Variants in L3MBTL3 observed in about 807,000 individuals in gnomAD.
L3MBTL3 encodes the protein lethal(3)malignant brain tumor-like protein 3.
A neutral mutation model predicts 102.3 loss-of-function variants in L3MBTL3; 27 were observed. The ratio of observed to expected loss-of-function variants is 0.26; its 90% CI spans 0.19 to 0.36. L3MBTL3 has a LOEUF of 0.36. Ranked by LOEUF, L3MBTL3 falls within the 10% of genes least tolerant of loss-of-function variation. L3MBTL3 has a pLI of 1.00. For synonymous variants in L3MBTL3, 340 were observed against 320.9 expected, an observed-to-expected ratio of 1.06 and a Z score of -0.64; for missense variants, 798 against 955.3, an observed-to-expected ratio of 0.84 and a Z score of 2.17.
chr6:130,068,685 TAA>T (rs1041632812), intron 12 of L3MBTL3, among the ~76,000 whole-genome samples: 12 of 152,190 alleles, frequency 7.9e-5, no homozygotes, highest in African/African-American at 2.7e-4. Flanking sequence ...TTAAGATGCA[TAA>T]AAAATTAAAT....
intron 20 of L3MBTL3, among the ~76,000 whole-genome samples, chr6:130,121,217 GCCT>G (rs745889626): frequency 6.6e-6 from 1 of 152,106 alleles, no homozygotes; most frequent in Non-Finnish European, 1.5e-5. Flanking sequence ...CTGATCCTCT[GCCT>G]CCTCCTGGCC....
At chr6:130,125,002 A>G (rs7776419) in intron 20 of L3MBTL3, among the ~76,000 whole-genome samples, 3 of 152,072 alleles carry the variant, frequency 2.0e-5, no homozygotes, top group African/African-American at 7.2e-5. Context: ...AATACTTAAC[A>G]GCTCATTTGG....
At chr6:130,045,419 C>T (rs1368852897) in intron 3 of L3MBTL3, among the ~76,000 whole-genome samples, 3 of 152,092 alleles carry the variant, frequency 2.0e-5, no homozygotes, top group African/African-American at 2.4e-5. Flanking sequence ...GAATAGAGAA[C>T]GTACTCTCTG....
At chr6:130,111,126 G>A (rs1203220161) in intron 19 of L3MBTL3, among the ~76,000 whole-genome samples, 1 of 152,074 alleles carries the variant, frequency 6.6e-6, no homozygotes, top group Non-Finnish European at 1.5e-5. Context: ...ATTGCAAGTA[G>A]TTTACTTAGT....
intron 10 of L3MBTL3, among the ~76,000 whole-genome samples, chr6:130,064,439 T>A (rs1426282253): frequency 6.6e-6 from 1 of 152,056 alleles, no homozygotes; most frequent in Non-Finnish European, 1.5e-5. Flanking sequence ...ACTAGATTCA[T>A]GGGAGTGAGG....
At chr6:130,057,588 T>G in intron 9 of L3MBTL3, 91 bp downstream of exon 9, 1 of 1,056,338 alleles carries the variant, frequency 9.5e-7, no homozygotes, top group African/African-American at 1.6e-5. Context: ...GAAATTTGAC[T>G]TGGGATCATT....
At position 130,118,883 on chromosome 6, in the gene L3MBTL3, T is replaced by C. The variant is rs1300325455; in HGVS notation, c.1887-1996T>C. On this transcript the variant is annotated intron_variant, in intron 19 of 22. Coordinates refer to ENST00000361794, the MANE Select transcript of L3MBTL3 (RefSeq NM_032438.4). ...TTGGGTCAAAGATTTTACTTTCTTATTCTATCTCTGTTCCCTCTTGGAAAG... is the reference window on the plus strand; with the variant it reads ...TTGGGTCAAAGATTTTACTTTCTTACTCTATCTCTGTTCCCTCTTGGAAAG... 7.9e-5 allele frequency among the ~76,000 whole-genome samples: 12 copies of C among 152,214 alleles called. 2 individuals carry two copies. In the South Asian group the frequency reaches 1.9e-3, roughly 24 times the overall value.
At chr6:130,102,376 G>T (rs962687588) in intron 18 of L3MBTL3, among the ~76,000 whole-genome samples, 3 of 152,118 alleles carry the variant, frequency 2.0e-5, no homozygotes, top group African/African-American at 7.2e-5. Flanking sequence ...TCCAAAAAGA[G>T]AAATAACTTT....
At chr6:130,104,815 A>G (rs1784891835) in intron 19 of L3MBTL3, among the ~76,000 whole-genome samples, 1 of 149,572 alleles carries the variant, frequency 6.7e-6, no homozygotes, top group South Asian at 2.1e-4. Context: ...TTTTTTTTTA[A>G]TTTGCTTGGT....
intron 1 of L3MBTL3, among the ~76,000 whole-genome samples, chr6:130,020,999 G>C (rs2876068): frequency 6.6e-6 from 1 of 152,126 alleles, no homozygotes; most frequent in African/African-American, 2.4e-5. Context: ...GGGGGGCGCG[G>C]CCGGGGCGAG....
chr6:130,048,973 C>A (rs1464662159), intron 3 of L3MBTL3, among the ~76,000 whole-genome samples: 1 of 151,244 alleles, frequency 6.6e-6, no homozygotes, highest in African/African-American at 2.4e-5. Flanking sequence ...CACACACATA[C>A]ACACACAAAG....
intron 13 of L3MBTL3, among the ~76,000 whole-genome samples, chr6:130,072,474 T>A (rs1230934499): frequency 2.6e-5 from 4 of 152,202 alleles, no homozygotes; most frequent in Non-Finnish European, 5.9e-5. Context: ...TTGTTTGTTT[T>A]TCCCAGCTTT....
At chr6:130,030,589 C>T (rs573317645) in intron 2 of L3MBTL3, among the ~76,000 whole-genome samples, 3 of 146,842 alleles carry the variant, frequency 2.0e-5, no homozygotes, top group African/African-American at 7.7e-5. Context: ...ATGGCGTGAA[C>T]CTGGGAGGCG....
chr6:130,042,911 G>A (rs996751926), intron 3 of L3MBTL3, 110 bp downstream of exon 3: 3 of 709,346 alleles, frequency 4.2e-6, no homozygotes, highest in African/African-American at 3.5e-5. Flanking sequence ...TCATAGTGGT[G>A]TAGGTTTTAG....
At chr6:130,045,562 TG>T (rs1357781214) in intron 3 of L3MBTL3, among the ~76,000 whole-genome samples, 1 of 152,216 alleles carries the variant, frequency 6.6e-6, no homozygotes, top group African/African-American at 2.4e-5. Flanking sequence ...GGTCAGTTAC[TG>T]GCAGGGGTCT....
chr6:130,116,070 A>T (rs926291671), intron 19 of L3MBTL3, among the ~76,000 whole-genome samples: 4 of 152,182 alleles, frequency 2.6e-5, no homozygotes, highest in African/African-American at 9.7e-5. Context: ...AGACAGTCTG[A>T]CTGTAGTCTG....
chr6:130,037,683 CAT>C (rs1386123010), intron 2 of L3MBTL3, among the ~76,000 whole-genome samples: 2 of 152,122 alleles, frequency 1.3e-5, no homozygotes, highest in African/African-American at 2.4e-5. Flanking sequence ...TAATGGTACA[CAT>C]GTGATATTTT....
chr6:130,061,058 C>G (rs1051128668), intron 10 of L3MBTL3, among the ~76,000 whole-genome samples: 3 of 150,390 alleles, frequency 2.0e-5, no homozygotes, highest in Admixed American at 6.6e-5. Flanking sequence ...AGCGGCTAAT[C>G]CAAGTACTTT....
intron 19 of L3MBTL3, among the ~76,000 whole-genome samples, chr6:130,113,858 A>T (rs1309836162): frequency 2.0e-5 from 3 of 149,166 alleles, no homozygotes; most frequent in Non-Finnish European, 4.4e-5. Flanking sequence ...CTAAAAGCAT[A>T]TATAAATCTA....
Sources: allele counts gnomAD v4.1 joint callset (sites outside exome capture counted in the v4.1 genomes callset), GRCh38; gene constraint gnomAD v4.1.1; transcripts MANE v1.5; gene names NCBI Gene and HGNC (gene_info 2026-07-23, HGNC 2026-07-21).